SEL1L2: variants seen among roughly 807,000 people sequenced by gnomAD.
The protein encoded by SEL1L2 is protein sel-1 homolog 2.
SEL1L2 carries 89 observed loss-of-function variants against 98.8 expected under a neutral mutation model. The observed-to-expected ratio is 0.90, with a 90% CI of 0.76 to 1.07. The LOEUF (loss-of-function observed/expected upper bound fraction) is 1.07. Among genes scored for constraint, SEL1L2 ranks in the 50% least tolerant of loss-of-function variants. SEL1L2 has a pLI of 0.00. For synonymous variants in SEL1L2, 262 were observed against 278.5 expected, an observed-to-expected ratio of 0.94 and a Z score of 0.59; for missense variants, 788 against 812.0, an observed-to-expected ratio of 0.97 and a Z score of 0.36.
chr20:13,898,669 G>A (rs959444625), intron 5 of SEL1L2, among the ~76,000 whole-genome samples: 2 of 152,146 alleles, frequency 1.3e-5, no homozygotes, highest in Admixed American at 1.3e-4. Context: ...CTTCATTTAT[G>A]GGTAGAGCCA....
chr20:13,902,503 A>G (rs949487214), intron 5 of SEL1L2, among the ~76,000 whole-genome samples: 1 of 152,116 alleles, frequency 6.6e-6, no homozygotes, highest in African/African-American at 2.4e-5. Flanking sequence ...GTCCATTGCG[A>G]TCATTATTCA....
chr20:13,856,559 T>A (rs75953415), intron 18 of SEL1L2, among the ~76,000 whole-genome samples: 2,086 of 152,326 alleles, frequency 0.014, 47 homozygotes, highest in African/African-American at 0.047. Flanking sequence ...ACTCCCATTA[T>A]TCATTGTTCC....
intron 4 of SEL1L2, among the ~76,000 whole-genome samples, chr20:13,917,582 T>A (rs6110088): frequency 6.6e-6 from 1 of 152,152 alleles, no homozygotes; most frequent in African/African-American, 2.4e-5. Flanking sequence ...AGAATCATAG[T>A]TGAGTGCTCC....
chr20:13,985,025 C>T (rs1373472535), intron 1 of SEL1L2, among the ~76,000 whole-genome samples: 1 of 152,028 alleles, frequency 6.6e-6, no homozygotes, highest in African/African-American at 2.4e-5. Flanking sequence ...CCCTATAGTG[C>T]TATAGAACCC....
chr20:13,982,612 G>A lies in SEL1L2; in HGVS notation c.58+7865C>T, dbSNP rs187591858. ...AAAAGAAAAAATTGTTTCTAAGAGAGATGTAAATAAATAAATAAGAAAGAG... is the reference window on the plus strand; with the variant it reads ...AAAAGAAAAAATTGTTTCTAAGAGAAATGTAAATAAATAAATAAGAAAGAG... On this transcript the variant is annotated intron_variant, in intron 1 of 19. Transcript: ENST00000284951. Among the ~76,000 whole-genome samples the A allele has an allele frequency of 3.3e-5, 5 of 151,014 alleles. No individual in the cohort carries two copies. In the East Asian group the frequency reaches 7.8e-4, roughly 24 times the overall value.
At chr20:13,869,357 A>G (rs1046237441) in intron 14 of SEL1L2, 146 bp downstream of exon 14, 2 of 649,824 alleles carry the variant, frequency 3.1e-6, no homozygotes, top group Non-Finnish European at 5.4e-6. Flanking sequence ...CCTTTTCTTT[A>G]GGCTTTTTCA....
At chr20:13,962,764 G>A (rs1323067139) in intron 1 of SEL1L2, among the ~76,000 whole-genome samples, 1 of 152,046 alleles carries the variant, frequency 6.6e-6, no homozygotes, top group Non-Finnish European at 1.5e-5. Flanking sequence ...TTGAGAAAAG[G>A]ATTAGAAGAA....
chr20:13,989,843 A>G (rs1443344526), intron 1 of SEL1L2, among the ~76,000 whole-genome samples: 1 of 152,146 alleles, frequency 6.6e-6, no homozygotes, highest in Admixed American at 6.6e-5. Flanking sequence ...AGGGAATTGA[A>G]CCTGGGCTGT....
In SEL1L2 at chr20:13,865,345, TTACTAGATTCCAA is replaced by T. The variant is rs1990823524; in HGVS notation, c.1561_1570+3del. The T allele has an allele frequency of 6.2e-7, 1 of 1,613,794 alleles. No individual in the cohort carries two copies. On this transcript the variant is annotated splice_donor_variant and splice_donor_region_variant and coding_sequence_variant and intron_variant, in exon 16 of 20. Transcript: ENST00000284951. LOFTEE classifies it high-confidence loss of function. ...GGATTGCAGAGAATTTTAACTCATC[TTACTAGATTCCAA>T]AATGAATGCTGAATTGCTTTGAGCT...
chr20:13,884,789 G>A (rs916391302), intron 10 of SEL1L2, among the ~76,000 whole-genome samples: 2 of 152,210 alleles, frequency 1.3e-5, no homozygotes, highest in Non-Finnish European at 1.5e-5. Flanking sequence ...TTACAGGCAT[G>A]AGCCACCGTA....
chr20:13,859,234 A>G lies in SEL1L2; in HGVS notation c.1818+28T>C, dbSNP rs371546972. The G allele has an allele frequency of 1.9e-6, 3 of 1,592,850 alleles. No individual in the cohort carries two copies. In the African/African-American group the frequency reaches 4.0e-5, roughly 21 times the overall value. On this transcript the variant is annotated intron_variant, in intron 18 of 19. Coordinates refer to ENST00000284951, the MANE Select transcript of SEL1L2 (RefSeq NM_025229.2). Reference sequence around the variant, plus strand: ...GTCTTCTCACACAGCTGTCATTACTAGGTTTGAATTATTACCAGCAAAATT... The same window carrying G: ...GTCTTCTCACACAGCTGTCATTACTGGGTTTGAATTATTACCAGCAAAATT...
chr20:13,883,224 G>C (rs2046798073), intron 10 of SEL1L2, among the ~76,000 whole-genome samples: 1 of 152,194 alleles, frequency 6.6e-6, no homozygotes. Context: ...TACCCGCAAA[G>C]AGTACCTGCA....
Position 13,990,588 on chromosome 20 carries a change from G to T in SEL1L2, c.-54C>A. The T allele has an allele frequency of 7.2e-7, 1 of 1,380,802 alleles. No individual in the cohort carries two copies. Among genetic ancestry groups the T allele is most frequent in the Non-Finnish European group, 1.0e-6 (1 of 975,026 alleles). The allele number at this position is 1,380,802 out of a possible 1,614,324, so 85.5% of individuals were successfully genotyped here. A position where few individuals can be genotyped will look rare whatever the true frequency, so the allele number is the denominator to read the frequency against. The stretch of plus-strand genomic sequence containing the variant: ...AACACAGGCAGAAACTAGGTGATTG[G>T]CCCAAGAGCTCCTCTTCTCAGGGAC... On this transcript the variant is annotated 5_prime_UTR_variant, in exon 1 of 20. Coordinates refer to ENST00000284951, the MANE Select transcript of SEL1L2 (RefSeq NM_025229.2).
At chr20:13,950,710 G>A (rs559070194) in intron 2 of SEL1L2, among the ~76,000 whole-genome samples, 6 of 152,194 alleles carry the variant, frequency 3.9e-5, no homozygotes, top group Non-Finnish European at 5.9e-5. Flanking sequence ...AATCTCCAAT[G>A]TAGACAGGAG....
At chr20:13,950,905 A>T (rs1413989287) in intron 2 of SEL1L2, among the ~76,000 whole-genome samples, 1 of 152,186 alleles carries the variant, frequency 6.6e-6, no homozygotes, top group Non-Finnish European at 1.5e-5. Flanking sequence ...ATCAGGAGAC[A>T]ACTAGGTTTC....
chr20:13,939,032 C>CTT, intron 2 of SEL1L2, among the ~76,000 whole-genome samples: 1 of 65,572 alleles, frequency 1.5e-5, no homozygotes, highest in East Asian at 5.0e-4. Flanking sequence ...GGTTTGTTTG[C>CTT]TTGTTTTGTT....
At chr20:13,947,478 G>A (rs1250461384) in intron 2 of SEL1L2, among the ~76,000 whole-genome samples, 2 of 152,098 alleles carry the variant, frequency 1.3e-5, no homozygotes, top group African/African-American at 4.8e-5. Flanking sequence ...CTGTACTGTC[G>A]CTCAATGAAG....
intron 18 of SEL1L2, among the ~76,000 whole-genome samples, chr20:13,857,445 G>GA (rs1989344148): frequency 6.6e-6 from 1 of 152,234 alleles, no homozygotes. Flanking sequence ...CTCCAAAGAG[G>GA]AAAACCAAAC....
chr20:13,901,990 A>G (rs1445499858), intron 5 of SEL1L2, among the ~76,000 whole-genome samples: 1 of 152,040 alleles, frequency 6.6e-6, no homozygotes, highest in Admixed American at 6.6e-5. Context: ...TTACATATAG[A>G]TTAAGGGGTG....
Sources: gnomAD v4.1 joint callset for allele counts (sites outside exome capture counted in the v4.1 genomes callset) on GRCh38, gnomAD v4.1.1 for gene constraint, MANE v1.5 for transcripts, NCBI Gene and HGNC (gene_info 2026-07-23, HGNC 2026-07-21) for gene names.